Variants in TMED10 observed in about 807,000 individuals in gnomAD.
The protein encoded by TMED10 is transmembrane p24 trafficking protein 10, also known as transmembrane emp24 domain-containing protein 10.
TMED10 carries 7 observed loss-of-function variants against 23.1 expected under a neutral mutation model. That is an observed-to-expected ratio of 0.30 (90% CI 0.17 to 0.57). TMED10 has a LOEUF of 0.57. Ranked by LOEUF, TMED10 falls within the 20% of genes least tolerant of loss-of-function variation. The pLI, the probability that TMED10 is intolerant of heterozygous loss-of-function variation, is 0.91. For synonymous variants in TMED10, 113 were observed against 106.9 expected (o/e 1.06, Z -0.35); for missense variants, 162 against 274.8 (o/e 0.59, Z 2.90).
intron 1 of TMED10, among the ~76,000 whole-genome samples, chr14:75,164,544 TATATATATATATATATATATATATA>T (rs1566675064): frequency 9.2e-4 from 6 of 6,522 alleles, no homozygotes; most frequent in East Asian, 0.01. Flanking sequence ...TATATATATA[TATATATATATATATATATATATATA>T]TATATATATT....
At chr14:75,150,391 G>C (rs544334513) in intron 2 of TMED10, among the ~76,000 whole-genome samples, 1 of 152,250 alleles carries the variant, frequency 6.6e-6, no homozygotes, top group East Asian at 1.9e-4. Flanking sequence ...AGCCCCACCT[G>C]GTCCAAATGA....
intron 1 of TMED10, among the ~76,000 whole-genome samples, chr14:75,163,659 T>C (rs984545880): frequency 6.6e-6 from 1 of 150,572 alleles, no homozygotes; most frequent in Non-Finnish European, 1.5e-5. Context: ...GGTTCTAGAG[T>C]CAGACTTTCT....
chr14:75,167,112 T>A (rs1034056356), intron 1 of TMED10, among the ~76,000 whole-genome samples: 2 of 151,968 alleles, frequency 1.3e-5, no homozygotes, highest in Non-Finnish European at 2.9e-5. Context: ...TGGCTAATTT[T>A]TGTATTTTCA....
chr14:75,173,884 C>T (rs1339478422), intron 1 of TMED10, among the ~76,000 whole-genome samples: 2 of 152,170 alleles, frequency 1.3e-5, no homozygotes, highest in African/African-American at 4.8e-5. Flanking sequence ...GCACACGCCA[C>T]CATGCCCAGC....
chr14:75,158,362 C>CT (rs1260468648), intron 1 of TMED10, among the ~76,000 whole-genome samples: 1 of 152,192 alleles, frequency 6.6e-6, no homozygotes, highest in Non-Finnish European at 1.5e-5. Flanking sequence ...GGGGGCCTCA[C>CT]TGTTGCCCAG....
Position 75,134,176 on chromosome 14 carries a change from ATGG to A in TMED10, c.*706_*708del, listed in dbSNP as rs536487037. The stretch of plus-strand genomic sequence containing the variant: ...TGACAGAACTGTTCTGTCTCTTGTG[ATGG>A]TGGTCACATGAATCTACACATGTGA... On this transcript the variant is annotated 3_prime_UTR_variant, in exon 5 of 5. Transcript: ENST00000303575. 87 of 155,782 alleles carry A rather than the reference ATGG, an allele frequency of 5.6e-4. No homozygotes were observed. The highest frequency in any genetic ancestry group is 1.1e-3 in the Non-Finnish European group (77 of 70,208). 9.6% of individuals were successfully genotyped at this position (155,782 alleles called of 1,614,324 possible). A position where few individuals can be genotyped will look rare whatever the true frequency, so the allele number is the denominator to read the frequency against.
At chr14:75,166,127 C>T (rs564814533) in intron 1 of TMED10, among the ~76,000 whole-genome samples, 3 of 152,182 alleles carry the variant, frequency 2.0e-5, no homozygotes, top group Admixed American at 6.5e-5. Flanking sequence ...AAGTTATTTA[C>T]GGTAAAAACC....
At chr14:75,157,979 G>A (rs962391507) in intron 1 of TMED10, among the ~76,000 whole-genome samples, 14 of 151,886 alleles carry the variant, frequency 9.2e-5, no homozygotes, top group African/African-American at 2.4e-4. Flanking sequence ...ATAGTGTTAC[G>A]TGGATTTGAG....
intron 2 of TMED10, among the ~76,000 whole-genome samples, chr14:75,148,888 T>C (rs1476413375): frequency 2.0e-5 from 3 of 152,202 alleles, no homozygotes; most frequent in African/African-American, 7.2e-5. Context: ...TGTTGAGAGG[T>C]AAAACCTTTA....
At chr14:75,153,777 C>CTTTTT (rs59328978) in intron 1 of TMED10, among the ~76,000 whole-genome samples, 4 of 131,752 alleles carry the variant, frequency 3.0e-5, no homozygotes, top group Admixed American at 8.5e-5. Flanking sequence ...TTTTTTTTCC[C>CTTTTT]TTTTTTTTTT....
intron 1 of TMED10, among the ~76,000 whole-genome samples, chr14:75,161,034 A>C (rs1302687776): frequency 6.6e-6 from 1 of 152,042 alleles, no homozygotes; most frequent in Non-Finnish European, 1.5e-5. Context: ...ACAAAGCTAG[A>C]CTCCATCTCA....
intron 2 of TMED10, among the ~76,000 whole-genome samples, chr14:75,148,978 A>G (rs1176518165): frequency 6.6e-6 from 1 of 152,234 alleles, no homozygotes; most frequent in Non-Finnish European, 1.5e-5. Context: ...AGTGGCACGC[A>G]CCATCATGGC....
At position 75,131,550 on chromosome 14, in the gene TMED10, A is replaced by C. The variant is rs1425103284; in HGVS notation, c.*3335T>G. The stretch of plus-strand genomic sequence containing the variant: ...TTACAAGTGAATCTGTATAAATCCC[A>C]TATGCCTCTTTCCCAAACAAACCAA... On this transcript the variant is annotated 3_prime_UTR_variant, in exon 5 of 5. Coordinates refer to ENST00000303575, the MANE Select transcript of TMED10 (RefSeq NM_006827.6). 6.6e-6 allele frequency: 1 copy of C among 152,634 alleles called. No individual in the cohort carries two copies. Among genetic ancestry groups the C allele is most frequent in the African/African-American group, 2.4e-5 (1 of 41,456 alleles). The allele number at this position is 152,634 out of a possible 1,614,324, so 9.5% of individuals were successfully genotyped here.
At chr14:75,159,471 G>A (rs1479860717) in intron 1 of TMED10, among the ~76,000 whole-genome samples, 1 of 152,178 alleles carries the variant, frequency 6.6e-6, no homozygotes, top group Non-Finnish European at 1.5e-5. Flanking sequence ...ATTGGCCTAG[G>A]ACAAACAACT....
chr14:75,141,402 G>C (rs959784734), intron 3 of TMED10, among the ~76,000 whole-genome samples: 5 of 152,162 alleles, frequency 3.3e-5, no homozygotes, highest in African/African-American at 1.2e-4. Context: ...TTGTGCTTGG[G>C]GAGGGTAGGG....
chr14:75,156,916 AAAAAGAAAAGAAAAG>A (rs57658115), intron 1 of TMED10, among the ~76,000 whole-genome samples: 49 of 135,578 alleles, frequency 3.6e-4, no homozygotes, highest in Middle Eastern at 3.6e-3. Context: ...CCGTCTCAAA[AAAAAGAAAAGAAAAG>A]AAAAGAAAAG....
At chr14:75,157,514 T>C (rs922957459) in intron 1 of TMED10, among the ~76,000 whole-genome samples, 11 of 152,036 alleles carry the variant, frequency 7.2e-5, no homozygotes, top group African/African-American at 2.2e-4. Context: ...CTGGGTGTGG[T>C]TGACATGCGC....
chr14:75,140,415 A>G (rs1411661777), intron 3 of TMED10, among the ~76,000 whole-genome samples: 1 of 152,078 alleles, frequency 6.6e-6, no homozygotes, highest in Admixed American at 6.5e-5. Flanking sequence ...TTTTTACAAA[A>G]GAAAAAAATT....
At chr14:75,164,577 A>ATTTTTT (rs60845992) in intron 1 of TMED10, among the ~76,000 whole-genome samples, 62 of 45,052 alleles carry the variant, frequency 1.4e-3, no homozygotes, top group African/African-American at 8.5e-3. Context: ...ATATATATAT[A>ATTTTTT]TTTTTTTTTT....
Sources: gnomAD v4.1 joint callset for allele counts (sites outside exome capture counted in the v4.1 genomes callset) on GRCh38, gnomAD v4.1.1 for gene constraint, MANE v1.5 for transcripts, NCBI Gene and HGNC (gene_info 2026-07-23, HGNC 2026-07-21) for gene names.